The following ITGB3 variants were observed in gnomAD, a reference collection of about 807,000 sequenced individuals.
ITGB3 encodes integrin beta-3.
ITGB3 carries 48 observed loss-of-function variants against 85.8 expected under a neutral mutation model. The ratio of observed to expected loss-of-function variants is 0.56; its 90% CI spans 0.44 to 0.71. The LOEUF (loss-of-function observed/expected upper bound fraction) is 0.71. Among genes scored for constraint, ITGB3 ranks in the 30% least tolerant of loss-of-function variants. The pLI is 0.00. For missense variants in ITGB3, 861 were observed against 1,019.1 expected (o/e 0.84, Z 2.11); for synonymous variants, 363 against 395.6 (o/e 0.92, Z 0.98).
In ITGB3 at chr17:47,278,904, A is replaced by G. The variant is rs2065073338; in HGVS notation, c.165+4400A>G. On this transcript the variant is annotated intron_variant, in intron 2 of 14. Coordinates refer to ENST00000559488, the MANE Select transcript of ITGB3 (RefSeq NM_000212.3). ...TGAAACCATCCCCACCTCCCTGTCC[A>G]TGGAAAAATTGTCTTCCCTGAAACC... Among the ~76,000 whole-genome samples the G allele has an allele frequency of 2.0e-5, 3 of 152,248 alleles. No individual in the cohort carries two copies. In the South Asian group the frequency reaches 6.2e-4, roughly 31 times the overall value.
rs368432669 is a variant in ITGB3, at chr17:47,290,941, C to T, written c.1126-13C>T. The T allele has an allele frequency of 1.2e-6, 2 of 1,613,918 alleles. No individual in the cohort carries two copies. The highest frequency in any genetic ancestry group is 1.3e-5 in the African/African-American group (1 of 74,904). On this transcript the variant is annotated splice_polypyrimidine_tract_variant and intron_variant, in intron 8 of 14. Transcript: ENST00000559488. ...GTTCAATTTCTTGTCTTCTTGTGCCCCTTTCTGCTCAGAAAATCCGTTCTA... is the reference window on the plus strand; with the variant it reads ...GTTCAATTTCTTGTCTTCTTGTGCCTCTTTCTGCTCAGAAAATCCGTTCTA...
chr17:47,291,170 A>G, intron 9 of ITGB3, 82 bp downstream of exon 9: 1 of 1,547,030 alleles, frequency 6.5e-7, no homozygotes, highest in Non-Finnish European at 8.9e-7. Context: ...GTGACTAAAA[A>G]TGGCCCCCTT....
Position 47,253,911 on chromosome 17 carries a change from T to TG in ITGB3, c.55dup (p.Ala19GlyfsTer36), listed in dbSNP as rs1302506624. On this transcript the variant is annotated frameshift_variant, in exon 1 of 15. Coordinates refer to ENST00000559488, the MANE Select transcript of ITGB3 (RefSeq NM_000212.3). LOFTEE classifies it high-confidence loss of function. ...CCGCTCTGGGCGACTGTGCTGGCGC[T>TG]GGGGGCGCTGGCGGGCGTTGGCGTA... 7.1e-7 allele frequency: 1 copy of TG among 1,406,764 alleles called. No homozygotes were observed. 87.1% of individuals were successfully genotyped at this position (1,406,764 alleles called of 1,614,324 possible).
At chr17:47,275,533 C>T (rs1184069872) in intron 2 of ITGB3, among the ~76,000 whole-genome samples, 4 of 152,214 alleles carry the variant, frequency 2.6e-5, no homozygotes, top group Admixed American at 6.5e-5. Flanking sequence ...CTTCCTCTGT[C>T]CCACAACAAG....
chr17:47,277,987 C>G (rs16941802), intron 2 of ITGB3, among the ~76,000 whole-genome samples: 14,551 of 152,194 alleles, frequency 0.096, 968 homozygotes, highest in East Asian at 0.22. Context: ...GAGTTTTGCT[C>G]CAATTTATTA....
At chr17:47,278,697 G>C (rs1482610540) in intron 2 of ITGB3, among the ~76,000 whole-genome samples, 1 of 152,222 alleles carries the variant, frequency 6.6e-6, no homozygotes, top group Admixed American at 6.5e-5. Flanking sequence ...ACAGCAGGAG[G>C]TCAGCAGCAG....
intron 1 of ITGB3, among the ~76,000 whole-genome samples, chr17:47,260,844 CAAAT>C (rs1392914658): frequency 2.6e-5 from 4 of 151,524 alleles, no homozygotes; most frequent in Non-Finnish European, 5.9e-5. Flanking sequence ...TTGAAATTGA[CAAAT>C]AAAAATTATG....
At chr17:47,306,124 T>C (rs2143146555) in intron 13 of ITGB3, among the ~76,000 whole-genome samples, 1 of 152,266 alleles carries the variant, frequency 6.6e-6, no homozygotes, top group South Asian at 2.1e-4. Flanking sequence ...CACCAACAAG[T>C]CACACTGCCT....
At chr17:47,298,984 C>T (rs2065155863) in intron 10 of ITGB3, among the ~76,000 whole-genome samples, 2 of 152,222 alleles carry the variant, frequency 1.3e-5, no homozygotes, top group Admixed American at 6.5e-5. Context: ...TCTTCTAAGC[C>T]TCCTACCCTT....
chr17:47,272,690 T>C (rs1444534610), intron 1 of ITGB3, among the ~76,000 whole-genome samples: 3 of 138,758 alleles, frequency 2.2e-5, no homozygotes, highest in Non-Finnish European at 4.7e-5. Flanking sequence ...TTTTTTTCTT[T>C]CTTTCTTTCC....
chr17:47,300,834 G>A (rs2065164825), intron 12 of ITGB3, among the ~76,000 whole-genome samples: 2 of 152,168 alleles, frequency 1.3e-5, no homozygotes, highest in Admixed American at 1.3e-4. Flanking sequence ...AGCCTGCAAA[G>A]CAAAGGGAGC....
At chr17:47,286,156 C>T (rs2065101596) in intron 4 of ITGB3, 104 bp from the exon 5 acceptor site, 18 of 1,333,922 alleles carry the variant, frequency 1.3e-5, no homozygotes, top group Middle Eastern at 4.1e-4. Context: ...TGGAACTGGC[C>T]TTGGCATACC....
rs751163149 is a variant in ITGB3, at chr17:47,253,897, G to A, written c.36G>A (p.Ala12=). Residue 12 remains alanine, a synonymous_variant, in exon 1 of 15, where the codon GCG becomes GCA. Transcript: ENST00000559488. The part of the protein sequence containing the change: ...RARPRPRPLW[A]TVLALGALAG... ...GGCCGCGGCCCCGGCCGCTCTGGGCGACTGTGCTGGCGCTGGGGGCGCTGG... is the reference window on the plus strand; with the variant it reads ...GGCCGCGGCCCCGGCCGCTCTGGGCAACTGTGCTGGCGCTGGGGGCGCTGG... The A allele has an allele frequency of 1.5e-6, 2 of 1,345,768 alleles. No individual in the cohort carries two copies. Among genetic ancestry groups the A allele is most frequent in the African/African-American group, 1.5e-5 (1 of 66,330 alleles). The allele number at this position is 1,345,768 out of a possible 1,614,324, so 83.4% of individuals were successfully genotyped here. A position where few individuals can be genotyped will look rare whatever the true frequency, so the allele number is the denominator to read the frequency against.
rs79208797 is a variant in ITGB3 at position 47,286,310 on chromosome 17, T to C, written c.665T>C (p.Leu222Pro). ...PMFGYKHVLT[L>P]TDQVTRFNEE... The stretch of plus-strand genomic sequence containing the variant: ...TTTGGCTACAAACACGTGCTGACGC[T>C]AACTGACCAGGTGACCCGCTTCAAT... The change falls in exon 5 of 15, where the codon CTA becomes CCA. Residue 222 changes from leucine to proline, a missense_variant. By Grantham distance (98) the Leu-to-Pro change is moderately conservative (BLOSUM62 -3). Coordinates refer to ENST00000559488, the MANE Select transcript of ITGB3 (RefSeq NM_000212.3). 3 of 1,614,066 alleles carry C rather than the reference T, an allele frequency of 1.9e-6. No individual in the cohort carries two copies. The highest frequency in any genetic ancestry group is 1.7e-6 in the Non-Finnish European group (2 of 1,180,050).
intron 10 of ITGB3, 88 bp downstream of exon 10, chr17:47,292,656 T>G: frequency 7.1e-7 from 1 of 1,403,546 alleles, no homozygotes; most frequent in South Asian, 1.2e-5. Context: ...AGGCCTGAGA[T>G]GGGTCTTTGC....
In ITGB3 at chr17:47,288,206, AAGAGAGAGAGAGAGAGAG is replaced by A. The variant is rs200536313; in HGVS notation, c.939+993_939+1010del. ...CCTAGTGGAGACCCCTTCTCTTAGA[AAGAGAGAGAGAGAGAGAG>A]AGAGAGAGAGAGAGAGAAAGAGGGG... On this transcript the variant is annotated intron_variant, in intron 6 of 14. Coordinates refer to ENST00000559488, the MANE Select transcript of ITGB3 (RefSeq NM_000212.3). 4.3e-3 allele frequency among the ~76,000 whole-genome samples: 576 copies of A among 134,922 alleles called. 16 individuals are homozygous for A. The East Asian group carries it at 0.063, about 15-fold the overall frequency. 88.5% of individuals were successfully genotyped at this position (134,922 alleles called of 152,430 possible).
Position 47,310,319 on chromosome 17 carries a change from G to T in ITGB3, c.*115G>T. ...GGAGGGATTTGGGGCTCAGAGTGGGGTAGGTTGGGAGAATGTCAGTATGTG... is the reference window on the plus strand; with the variant it reads ...GGAGGGATTTGGGGCTCAGAGTGGGTTAGGTTGGGAGAATGTCAGTATGTG... On this transcript the variant is annotated 3_prime_UTR_variant, in exon 15 of 15. Coordinates refer to ENST00000559488, the MANE Select transcript of ITGB3 (RefSeq NM_000212.3). The T allele has an allele frequency of 1.0e-6, 1 of 987,538 alleles. No individual in the cohort carries two copies. The highest frequency in any genetic ancestry group is 1.6e-5 in the African/African-American group (1 of 62,998). The allele number at this position is 987,538 out of a possible 1,614,324, so 61.2% of individuals were successfully genotyped here.
intron 13 of ITGB3, among the ~76,000 whole-genome samples, chr17:47,305,339 G>A (rs1363010791): frequency 6.6e-6 from 1 of 152,226 alleles, no homozygotes; most frequent in East Asian, 1.9e-4. Context: ...GCCAGCTTGA[G>A]TTATGGTGGT....
At chr17:47,283,644 A>G (rs2065092092) in intron 3 of ITGB3, 95 bp downstream of exon 3, 1 of 1,203,822 alleles carries the variant, frequency 8.3e-7, no homozygotes, top group Non-Finnish European at 1.2e-6. Context: ...GAAGTAGCTC[A>G]GAATGGAAAT....
Sources: allele counts gnomAD v4.1 joint callset (sites outside exome capture counted in the v4.1 genomes callset), GRCh38; gene constraint gnomAD v4.1.1; transcripts MANE v1.5; gene names NCBI Gene and HGNC (gene_info 2026-07-23, HGNC 2026-07-21).